The following DHX57 variants were observed in gnomAD, a reference collection of about 807,000 sequenced individuals.
DHX57 encodes DExH-box helicase 57.
Under a neutral mutation model 156.2 loss-of-function variants are expected in DHX57, and 105 were observed. The ratio of observed to expected loss-of-function variants is 0.67; its 90% CI spans 0.57 to 0.79. The LOEUF (loss-of-function observed/expected upper bound fraction) is 0.79. Among genes scored for constraint, DHX57 ranks in the 30% least tolerant of loss-of-function variants. The pLI is 0.00. For synonymous variants in DHX57, 704 were observed against 595.6 expected (o/e 1.18, Z -2.65); for missense variants, 1,847 against 1,661.9 (o/e 1.11, Z -1.94).
intron 6 of DHX57, chr2:38,857,259 T>C (rs1234262650): frequency 6.5e-6 from 1 of 152,816 alleles, no homozygotes; most frequent in Non-Finnish European, 1.5e-5. Flanking sequence ...CTCTAAGCAA[T>C]ATCAGATTTT....
Position 38,869,462 on chromosome 2 carries a change from T to C in DHX57, c.-6-1051A>G, listed in dbSNP as rs79271565. On this transcript the variant is annotated intron_variant, in intron 1 of 23. Coordinates refer to ENST00000457308, the MANE Select transcript of DHX57 (RefSeq NM_198963.3). ...AGGAAGTTCCTTTTTGGGATTAGAA[T>C]GAGTATTAAACTGGGATCTCAGAAA... 2.9e-3 allele frequency among the ~76,000 whole-genome samples: 449 copies of C among 152,330 alleles called. 4 individuals carry two copies. Among genetic ancestry groups the C allele is most frequent in the Middle Eastern group, 0.01 (3 of 294 alleles).
chr2:38,841,317 A>G (rs1671981751), intron 12 of DHX57, among the ~76,000 whole-genome samples: 1 of 152,240 alleles, frequency 6.6e-6, no homozygotes, highest in Non-Finnish European at 1.5e-5. Flanking sequence ...TTTATAGATA[A>G]GGAAACTGAG....
At chr2:38,871,711 T>TA (rs1470257700) in intron 1 of DHX57, among the ~76,000 whole-genome samples, 1 of 68,528 alleles carries the variant, frequency 1.5e-5, no homozygotes, top group Non-Finnish European at 3.6e-5. Context: ...TAACTCATTC[T>TA]TTTTTTTTTT....
chr2:38,818,786 G>C, intron 19 of DHX57, 91 bp downstream of exon 19: 1 of 1,407,222 alleles, frequency 7.1e-7, no homozygotes, highest in Non-Finnish European at 1.0e-6. Flanking sequence ...CATTTGCAAT[G>C]TTAAGACAGG....
chr2:38,807,677 C>T (rs546215244), intron 21 of DHX57, among the ~76,000 whole-genome samples: 6 of 143,314 alleles, frequency 4.2e-5, no homozygotes, highest in Middle Eastern at 4.6e-3. Flanking sequence ...GACGGAGTTT[C>T]GCTCTTGTTG....
At chr2:38,822,886 C>G (rs1572642245) in intron 17 of DHX57, 107 bp downstream of exon 17, 1 of 1,290,258 alleles carries the variant, frequency 7.8e-7, no homozygotes, top group Non-Finnish European at 1.0e-6. Context: ...AGCTAACATA[C>G]AAGCAAATTT....
At position 38,839,703 on chromosome 2, in the gene DHX57, G is replaced by C. The variant is rs1218253242; in HGVS notation, c.2426-1756C>G. 5.4e-5 allele frequency among the ~76,000 whole-genome samples: 8 copies of C among 149,358 alleles called. 1 individual carries two copies. The South Asian group carries it at 1.7e-3, about 31-fold the overall frequency. On this transcript the variant is annotated intron_variant, in intron 12 of 23. Transcript: ENST00000457308. The stretch of plus-strand genomic sequence containing the variant: ...GCTACTGCACTCCTGCTGGGCGACA[G>C]AGCAAGACTCCGTCTCAAAAAAAAA...
chr2:38,826,178 T>C (rs78392583), intron 15 of DHX57, 131 bp from the exon 16 acceptor site: 5 of 990,190 alleles, frequency 5.0e-6, no homozygotes, highest in African/African-American at 3.3e-5. Flanking sequence ...TCTGGGATAG[T>C]TGAGCCCCTG....
chr2:38,848,117 C>G (rs951694692), intron 10 of DHX57, 152 bp downstream of exon 10: 4 of 840,178 alleles, frequency 4.8e-6, no homozygotes, highest in Non-Finnish European at 6.8e-6. Context: ...TATGTTACCT[C>G]CTTATCAGCT....
intron 19 of DHX57, among the ~76,000 whole-genome samples, chr2:38,816,435 C>G (rs761367117): frequency 2.0e-5 from 3 of 152,032 alleles, no homozygotes; most frequent in South Asian, 2.1e-4. Context: ...AGGCTGCTCT[C>G]GAACTCCTGA....
intron 11 of DHX57, among the ~76,000 whole-genome samples, chr2:38,843,869 AT>A (rs1057368706): frequency 6.6e-6 from 1 of 151,894 alleles, no homozygotes; most frequent in African/African-American, 2.4e-5. Flanking sequence ...AAGTGGCTCG[AT>A]TTTTTTTCCC....
intron 21 of DHX57, chr2:38,810,419 C>T: frequency 1.9e-6 from 1 of 518,504 alleles, no homozygotes; most frequent in South Asian, 1.4e-5. Context: ...CCCTAGCTCC[C>T]CATTGTACAG....
At chr2:38,850,824 C>T (rs932583601) in intron 9 of DHX57, among the ~76,000 whole-genome samples, 1 of 152,090 alleles carries the variant, frequency 6.6e-6, no homozygotes, top group African/African-American at 2.4e-5. Context: ...CCTGTAATCC[C>T]AGCACTTTGG....
At chr2:38,802,954 T>C in intron 22 of DHX57, 39 bp from the exon 23 acceptor site, 1 of 1,609,182 alleles carries the variant, frequency 6.2e-7, no homozygotes, top group South Asian at 1.1e-5. Flanking sequence ...GTGATGTCAC[T>C]GGCAACAAAA....
intron 23 of DHX57, among the ~76,000 whole-genome samples, chr2:38,801,404 A>G (rs993314341): frequency 1.4e-5 from 2 of 139,062 alleles, no homozygotes; most frequent in African/African-American, 5.3e-5. Context: ...AGTTTTATCT[A>G]TCTATCTATT....
At chr2:38,824,004 C>G (rs1314792868) in intron 16 of DHX57, among the ~76,000 whole-genome samples, 1 of 150,546 alleles carries the variant, frequency 6.6e-6, no homozygotes, top group Non-Finnish European at 1.5e-5. Flanking sequence ...GAGCAAGACT[C>G]TGTTTCCACA....
At chr2:38,831,549 TCTC>T (rs1671382142) in intron 13 of DHX57, among the ~76,000 whole-genome samples, 1 of 152,070 alleles carries the variant, frequency 6.6e-6, no homozygotes, top group South Asian at 2.1e-4. Flanking sequence ...GTAATAGTCT[TCTC>T]CTTTGGAATG....
intron 12 of DHX57, among the ~76,000 whole-genome samples, chr2:38,840,774 T>C (rs538671444): frequency 2.6e-5 from 4 of 152,218 alleles, no homozygotes; most frequent in Admixed American, 1.3e-4. Flanking sequence ...ATGGATTAGA[T>C]TCAGTGATAA....
intron 16 of DHX57, among the ~76,000 whole-genome samples, chr2:38,824,153 A>T (rs181321230): frequency 6.6e-6 from 1 of 152,254 alleles, no homozygotes; most frequent in Non-Finnish European, 1.5e-5. Flanking sequence ...GTATATATAC[A>T]TACAGTGGAA....
Sources: gnomAD v4.1 joint callset for allele counts (sites outside exome capture counted in the v4.1 genomes callset) on GRCh38, gnomAD v4.1.1 for gene constraint, MANE v1.5 for transcripts, NCBI Gene and HGNC (gene_info 2026-07-23, HGNC 2026-07-21) for gene names.